NELL1: variants seen among roughly 807,000 people sequenced by gnomAD.
NELL1 encodes the protein protein kinase C-binding protein NELL1.
Under a neutral mutation model 107.4 loss-of-function variants are expected in NELL1, and 76 were observed. That is an observed-to-expected ratio of 0.71 (90% CI 0.59 to 0.86). The LOEUF is 0.86. Ranked by LOEUF, NELL1 falls within the 40% of genes least tolerant of loss-of-function variation. The pLI is 0.00. For synonymous variants in NELL1, 353 were observed against 341.2 expected, an observed-to-expected ratio of 1.03 and a Z score of -0.38; for missense variants, 1,024 against 1,005.5, an observed-to-expected ratio of 1.02 and a Z score of -0.25.
intron 12 of NELL1, among the ~76,000 whole-genome samples, chr11:21,062,816 GTTTATTTATTTA>G (rs202007953): frequency 6.6e-6 from 1 of 151,336 alleles, no homozygotes; most frequent in Admixed American, 6.6e-5. Context: ...TTGTTTGTTT[GTTTATTTATTTA>G]TTTATTTATT....
At chr11:20,691,869 C>T (rs1361100239) in intron 2 of NELL1, among the ~76,000 whole-genome samples, 1 of 152,088 alleles carries the variant, frequency 6.6e-6, no homozygotes, top group East Asian at 1.9e-4. Flanking sequence ...GTACCAGTTC[C>T]TCCTTGTACC....
chr11:21,369,952 T>C (rs7949183), intron 14 of NELL1, among the ~76,000 whole-genome samples: 22,641 of 152,036 alleles, frequency 0.15, 2,057 homozygotes, highest in East Asian at 0.33. Context: ...TGTGAATACA[T>C]ACTGAGGCTA....
At chr11:21,364,410 CAAAAAAAAAAAA>C (rs71034511) in intron 14 of NELL1, among the ~76,000 whole-genome samples, 22,268 of 76,556 alleles carry the variant, frequency 0.29, 2,432 homozygotes, top group Middle Eastern at 0.37. Context: ...GACTCTGTCT[CAAAAAAAAAAAA>C]AAAAAAAAAA....
At chr11:20,883,836 C>A (rs1347806949) in intron 4 of NELL1, among the ~76,000 whole-genome samples, 1 of 152,000 alleles carries the variant, frequency 6.6e-6, no homozygotes, top group Non-Finnish European at 1.5e-5. Flanking sequence ...GTAAATTTGC[C>A]TTGTGTCTAG....
chr11:21,400,097 C>T (rs1260768534), intron 15 of NELL1, among the ~76,000 whole-genome samples: 5 of 151,628 alleles, frequency 3.3e-5, no homozygotes, highest in Admixed American at 6.6e-5. Context: ...TCTGTTTTTC[C>T]CTTAATTTTC....
chr11:21,226,182 G>A (rs980979338), intron 13 of NELL1, among the ~76,000 whole-genome samples: 3 of 152,200 alleles, frequency 2.0e-5, no homozygotes, highest in Admixed American at 1.3e-4. Context: ...GAAAACTTGG[G>A]CATGACTAAA....
At chr11:21,153,444 A>G (rs776315189) in intron 13 of NELL1, among the ~76,000 whole-genome samples, 9 of 152,122 alleles carry the variant, frequency 5.9e-5, no homozygotes, top group Non-Finnish European at 1.2e-4. Flanking sequence ...CATTAAATAA[A>G]TTATTTATTA....
intron 11 of NELL1, 120 bp downstream of exon 11, chr11:20,947,555 T>G: frequency 1.4e-6 from 1 of 711,616 alleles, no homozygotes; most frequent in Non-Finnish European, 2.5e-6. Context: ...CGCTGCTCCT[T>G]AAAAAGTTGC....
At chr11:20,823,509 T>C (rs992794282) in intron 3 of NELL1, among the ~76,000 whole-genome samples, 2 of 151,196 alleles carry the variant, frequency 1.3e-5, no homozygotes, top group Non-Finnish European at 3.0e-5. Flanking sequence ...TGAGTCTTTT[T>C]CCACACATGC....
At chr11:21,444,270 G>T (rs749109658) in intron 15 of NELL1, among the ~76,000 whole-genome samples, 1 of 152,004 alleles carries the variant, frequency 6.6e-6, no homozygotes, top group Non-Finnish European at 1.5e-5. Flanking sequence ...ACTTTAAGAA[G>T]AACTGCCATG....
chr11:21,523,830 G>C (rs573660942), intron 15 of NELL1, among the ~76,000 whole-genome samples: 1 of 151,980 alleles, frequency 6.6e-6, no homozygotes, highest in South Asian at 2.1e-4. Context: ...TATGTCTCTT[G>C]GGGATCACTT....
intron 12 of NELL1, among the ~76,000 whole-genome samples, chr11:20,975,654 T>C (rs971985495): frequency 3.0e-5 from 4 of 132,960 alleles, no homozygotes; most frequent in Non-Finnish European, 4.7e-5. Context: ...ATAATGTATG[T>C]ATTATATAAT....
intron 2 of NELL1, among the ~76,000 whole-genome samples, chr11:20,755,559 T>TTTTTTTTTATTTTTTTA (rs1337491294): frequency 5.7e-5 from 1 of 17,668 alleles, no homozygotes; most frequent in Admixed American, 8.3e-4. Context: ...TGTTTTTGTT[T>TTTTTTTTTATTTTTTTA]TTGTTTTTTT....
chr11:21,547,298 TGTG>T (rs1169881599), intron 16 of NELL1, among the ~76,000 whole-genome samples: 1 of 151,836 alleles, frequency 6.6e-6, no homozygotes, highest in African/African-American at 2.4e-5. Flanking sequence ...TGATTATAGA[TGTG>T]GTCATGAAAG....
chr11:21,271,782 C>T (rs142466974), intron 14 of NELL1, among the ~76,000 whole-genome samples: 5 of 152,164 alleles, frequency 3.3e-5, no homozygotes, highest in South Asian at 2.1e-4. Flanking sequence ...CATAACCAGG[C>T]GGTGTATATT....
At chr11:21,512,092 C>G (rs1422800731) in intron 15 of NELL1, among the ~76,000 whole-genome samples, 1 of 152,134 alleles carries the variant, frequency 6.6e-6, no homozygotes, top group African/African-American at 2.4e-5. Flanking sequence ...ACCTCTTGTT[C>G]CTGTCTTAGC....
intron 2 of NELL1, among the ~76,000 whole-genome samples, chr11:20,778,351 T>C (rs1472374330): frequency 6.6e-6 from 1 of 152,170 alleles, no homozygotes; most frequent in African/African-American, 2.4e-5. Context: ...GCAAGGTATA[T>C]GCTTGTTGAC....
intron 15 of NELL1, among the ~76,000 whole-genome samples, chr11:21,485,738 T>C (rs4457739): frequency 0.99 from 150,087 of 151,814 alleles, 74,218 homozygotes; most frequent in Middle Eastern, 1. Flanking sequence ...GACCATCCCA[T>C]TCCTGCCTAT....
intron 12 of NELL1, 119 bp downstream of exon 12, chr11:20,960,679 A>T (rs1164660940): frequency 9.0e-7 from 1 of 1,105,904 alleles, no homozygotes; most frequent in African/African-American, 1.6e-5. Context: ...ATCCTATAAG[A>T]AATCATATCA....
Sources: gnomAD v4.1 joint callset for allele counts (sites outside exome capture counted in the v4.1 genomes callset) on GRCh38, gnomAD v4.1.1 for gene constraint, MANE v1.5 for transcripts, NCBI Gene and HGNC (gene_info 2026-07-23, HGNC 2026-07-21) for gene names.